The following PTPRG variants were observed in gnomAD, a reference collection of about 807,000 sequenced individuals.
The protein encoded by PTPRG is protein tyrosine phosphatase receptor type G.
A neutral mutation model predicts 165.3 loss-of-function variants in PTPRG; 102 were observed. The observed-to-expected ratio is 0.62, with a 90% CI of 0.53 to 0.73. PTPRG has a LOEUF of 0.73. Ranked by LOEUF, PTPRG falls within the 30% of genes least tolerant of loss-of-function variation. The probability of loss-of-function intolerance (pLI) is 0.00; values close to 1 mark genes in which losing one functional copy is unlikely to be tolerated. For missense variants in PTPRG, 1,866 were observed against 1,861.4 expected, an observed-to-expected ratio of 1.00 and a Z score of -0.05; for synonymous variants, 675 against 669.5, an observed-to-expected ratio of 1.01 and a Z score of -0.13.
chr3:61,630,829 G>A (rs1330956682), intron 1 of PTPRG, among the ~76,000 whole-genome samples: 2 of 152,004 alleles, frequency 1.3e-5, no homozygotes, highest in South Asian at 2.1e-4. Flanking sequence ...AGGCAGAGGC[G>A]GGCAGATCAT....
chr3:62,277,670 C>G lies in PTPRG; in HGVS notation c.3756C>G (p.Asn1252Lys). Reference sequence around the variant, plus strand: ...AGATCATTGTCATGCTGCCAGACAACCAGAGCTTGGTAAGTAAAGCACATC... The same window carrying G: ...AGATCATTGTCATGCTGCCAGACAAGCAGAGCTTGGTAAGTAAAGCACATC... ...NAQIIVMLPD[N>K]QSLAEDEFVY... is the part of the protein sequence containing the mutation. Residue 1252 changes from asparagine to lysine, a missense_variant, in exon 26 of 30, where the codon AAC becomes AAG. Physicochemically the swap from Asn to Lys is moderately conservative, Grantham distance 94 (BLOSUM62 0). Transcript: ENST00000474889. 6.2e-7 allele frequency: 1 copy of G among 1,612,396 alleles called. No homozygotes were observed. The highest frequency in any genetic ancestry group is 8.5e-7 in the Non-Finnish European group (1 of 1,179,158).
At chr3:62,280,160 C>T (rs1254510951) in intron 26 of PTPRG, among the ~76,000 whole-genome samples, 1 of 151,984 alleles carries the variant, frequency 6.6e-6, no homozygotes, top group Non-Finnish European at 1.5e-5. Context: ...ATAACATTGA[C>T]AGATTTCTTT....
chr3:61,676,268 T>C (rs551940814), intron 1 of PTPRG, among the ~76,000 whole-genome samples: 2 of 151,290 alleles, frequency 1.3e-5, no homozygotes, highest in African/African-American at 2.4e-5. Flanking sequence ...CCATCCTGGC[T>C]AACACGGTGA....
chr3:62,025,072 G>T (rs1325937624), intron 4 of PTPRG, among the ~76,000 whole-genome samples: 2 of 152,170 alleles, frequency 1.3e-5, no homozygotes, highest in Non-Finnish European at 2.9e-5. Flanking sequence ...TTATATAATA[G>T]GCTGGGAGCT....
chr3:62,178,006 G>T (rs922842219), intron 8 of PTPRG, among the ~76,000 whole-genome samples: 1 of 123,388 alleles, frequency 8.1e-6, no homozygotes, highest in African/African-American at 3.1e-5. Flanking sequence ...GGTAACTGTT[G>T]ACTCCTCAGT....
chr3:61,753,451 G>A (rs961385828), intron 2 of PTPRG, among the ~76,000 whole-genome samples: 4 of 152,172 alleles, frequency 2.6e-5, no homozygotes, highest in African/African-American at 9.7e-5. Flanking sequence ...GGTAGCTCAT[G>A]AATTTTGGAG....
chr3:62,020,418 A>T (rs551370079), intron 4 of PTPRG, among the ~76,000 whole-genome samples: 1 of 152,300 alleles, frequency 6.6e-6, no homozygotes, highest in East Asian at 1.9e-4. Context: ...TATAAAAATA[A>T]TTTTTTCTCA....
intron 1 of PTPRG, among the ~76,000 whole-genome samples, chr3:61,720,381 C>A (rs558206056): frequency 6.6e-6 from 1 of 152,194 alleles, no homozygotes; most frequent in African/African-American, 2.4e-5. Flanking sequence ...GCCTCGGCCT[C>A]CCAAAGTGTG....
chr3:62,123,092 A>G (rs1703139346), intron 5 of PTPRG, among the ~76,000 whole-genome samples: 1 of 152,196 alleles, frequency 6.6e-6, no homozygotes, highest in Non-Finnish European at 1.5e-5. Flanking sequence ...TTATCATCTC[A>G]GTTTCTGTGT....
Position 61,655,226 on chromosome 3 carries a change from A to C in PTPRG, c.85+92854A>C, listed in dbSNP as rs73838896. Among the ~76,000 whole-genome samples, 1,384 of 152,216 alleles carry C rather than the reference A, an allele frequency of 9.1e-3. 27 individuals carry two copies. Among genetic ancestry groups the C allele is most frequent in the African/African-American group, 0.029 (1,200 of 41,534 alleles). ...GTACAAGGGCACAGTGCTGCCTCTC[A>C]ATGACAGGAAATAGGTATGATTTCC... On this transcript the variant is annotated intron_variant, in intron 1 of 29. Transcript: ENST00000474889.
At chr3:61,838,851 ATTAGTGTCTTTGT>A (rs2036542578) in intron 2 of PTPRG, among the ~76,000 whole-genome samples, 2 of 152,184 alleles carry the variant, frequency 1.3e-5, no homozygotes, top group Non-Finnish European at 2.9e-5. Flanking sequence ...ATAGCATGTT[ATTAGTGTCTTTGT>A]TTCCAGAATT....
Position 62,195,193 on chromosome 3 carries a change from T to C in PTPRG, c.1327+23T>C. 6.2e-7 allele frequency: 1 copy of C among 1,601,046 alleles called. No individual in the cohort carries two copies. Among genetic ancestry groups the C allele is most frequent in the East Asian group, 2.2e-5 (1 of 44,790 alleles). On this transcript the variant is annotated intron_variant, in intron 10 of 29. Transcript: ENST00000474889. The surrounding 1 kb of genome is among the most constrained non-coding windows in gnomAD (Gnocchi z 4.4). ...AAGGTGAGGCTGGCTTCCCCTCCTG[T>C]GGCCGGGGTGCCCCTGAGACTCCCT...
intron 1 of PTPRG, among the ~76,000 whole-genome samples, chr3:61,627,985 G>A (rs990294085): frequency 1.3e-5 from 2 of 152,166 alleles, no homozygotes; most frequent in Non-Finnish European, 2.9e-5. Flanking sequence ...CTGACATGGA[G>A]GAGTGCCAAC....
chr3:61,797,581 A>ACCACCCCCCCCCC (rs2035088327), intron 2 of PTPRG, among the ~76,000 whole-genome samples: 2 of 127,370 alleles, frequency 1.6e-5, no homozygotes, highest in African/African-American at 6.0e-5. Context: ...TTATCTCCAC[A>ACCACCCCCCCCCC]CCCCCCCCCA....
intron 2 of PTPRG, among the ~76,000 whole-genome samples, chr3:61,823,626 A>G (rs1407320686): frequency 6.6e-6 from 1 of 151,982 alleles, no homozygotes; most frequent in Admixed American, 6.6e-5. Flanking sequence ...TGAAAAACTT[A>G]AAGATTATTA....
intron 1 of PTPRG, among the ~76,000 whole-genome samples, chr3:61,634,463 C>T (rs1701850384): frequency 6.6e-6 from 1 of 152,024 alleles, no homozygotes; most frequent in African/African-American, 2.4e-5. Flanking sequence ...TGGTCTCGAA[C>T]TCCTGACCTC....
In PTPRG at chr3:61,940,673, TTTA is replaced by T. The variant is rs1559701797; in HGVS notation, c.191-48949_191-48947del. Among the ~76,000 whole-genome samples the T allele has an allele frequency of 2.7e-3, 352 of 130,400 alleles. 7 individuals carry two copies. The East Asian group carries it at 0.032, about 12-fold the overall frequency. The allele number at this position is 130,400 out of a possible 152,430, so 85.5% of individuals were successfully genotyped here. The stretch of plus-strand genomic sequence containing the variant: ...CTTTTATTTATTTATTTATTTATTT[TTTA>T]TTTTTTTGACAGAGTCTCGCTCTGT... On this transcript the variant is annotated intron_variant, in intron 2 of 29. Transcript: ENST00000474889.
At chr3:61,575,749 G>A (rs1386860956) in intron 1 of PTPRG, among the ~76,000 whole-genome samples, 1 of 151,974 alleles carries the variant, frequency 6.6e-6, no homozygotes, top group Non-Finnish European at 1.5e-5. Flanking sequence ...ACAGGCGCAT[G>A]CCACCACGCC....
chr3:62,250,732 C>T (rs184349226), intron 15 of PTPRG, among the ~76,000 whole-genome samples: 4 of 152,200 alleles, frequency 2.6e-5, no homozygotes, highest in Admixed American at 1.3e-4. Context: ...TTGAGGTCAG[C>T]GTTATCTCAG....
Sources: gnomAD v4.1 joint callset for allele counts (sites outside exome capture counted in the v4.1 genomes callset) on GRCh38, gnomAD v4.1.1 for gene constraint, Gnocchi (gnomAD v3.1) non-coding constraint, MANE v1.5 for transcripts, NCBI Gene and HGNC (gene_info 2026-07-23, HGNC 2026-07-21) for gene names.